Variants in PARD3B observed in about 807,000 individuals in gnomAD.
PARD3B encodes the protein partitioning defective 3 homolog B.
In PARD3B, 103 loss-of-function variants were observed where a neutral mutation model predicts 130.2. That is an observed-to-expected ratio of 0.79 (90% confidence interval 0.67 to 0.93). The LOEUF is 0.93. Among genes scored for constraint, PARD3B ranks in the 40% least tolerant of loss-of-function variants. The pLI, the probability that PARD3B is intolerant of heterozygous loss-of-function variation, is 0.00. For missense variants in PARD3B, 1,609 were observed against 1,499.2 expected, an observed-to-expected ratio of 1.07 and a Z score of -1.21; for synonymous variants, 583 against 553.2, an observed-to-expected ratio of 1.05 and a Z score of -0.76.
intron 4 of PARD3B, among the ~76,000 whole-genome samples, chr2:205,103,006 T>G (rs1327581828): frequency 6.6e-6 from 1 of 151,936 alleles, no homozygotes; most frequent in Non-Finnish European, 1.5e-5. Flanking sequence ...AGGCGGAGGT[T>G]GCAGTGAGCC....
intron 2 of PARD3B, among the ~76,000 whole-genome samples, chr2:204,703,410 G>A (rs143942159): frequency 1.1e-4 from 17 of 152,312 alleles, no homozygotes; most frequent in Non-Finnish European, 2.5e-4. Context: ...AATGGGAGAG[G>A]TTGGATGGGG....
intron 21 of PARD3B, among the ~76,000 whole-genome samples, chr2:205,552,717 A>G (rs777730113): frequency 5.5e-4 from 84 of 152,126 alleles, no homozygotes; most frequent in Non-Finnish European, 9.1e-4. Context: ...CCCAGCCAGA[A>G]ACGGTGCTTT....
chr2:204,851,571 A>C (rs2044708082), intron 2 of PARD3B, among the ~76,000 whole-genome samples: 2 of 152,214 alleles, frequency 1.3e-5, no homozygotes. Context: ...GTGACTATCC[A>C]ACTGTATTTG....
intron 21 of PARD3B, among the ~76,000 whole-genome samples, chr2:205,508,099 G>C (rs537887099): frequency 6.6e-6 from 1 of 152,352 alleles, no homozygotes; most frequent in East Asian, 1.9e-4. Context: ...AGTGAAAGAG[G>C]AGGGAACAAT....
chr2:205,464,994 A>G (rs1055675819), intron 20 of PARD3B, among the ~76,000 whole-genome samples: 1 of 152,212 alleles, frequency 6.6e-6, no homozygotes, highest in African/African-American at 2.4e-5. Flanking sequence ...TCTGTACTGC[A>G]CGATAACAAT....
chr2:205,559,485 A>G (rs1237254127), intron 22 of PARD3B, among the ~76,000 whole-genome samples: 2 of 152,140 alleles, frequency 1.3e-5, no homozygotes, highest in Non-Finnish European at 2.9e-5. Flanking sequence ...GTTATGGGAA[A>G]GAAATCCCCC....
chr2:204,638,962 G>T (rs2034983388), intron 1 of PARD3B, among the ~76,000 whole-genome samples: 1 of 151,548 alleles, frequency 6.6e-6, no homozygotes, highest in Admixed American at 6.6e-5. Flanking sequence ...TGTGTCCTTG[G>T]GCAATTTTTT....
chr2:204,660,042 TCAGATGTC>T (rs1426888410), intron 1 of PARD3B, among the ~76,000 whole-genome samples: 1 of 152,116 alleles, frequency 6.6e-6, no homozygotes, highest in African/African-American at 2.4e-5. Context: ...CACCTCAACC[TCAGATGTC>T]CAGGCAAGAC....
chr2:204,876,153 T>C (rs548164609), intron 2 of PARD3B, among the ~76,000 whole-genome samples: 1 of 152,280 alleles, frequency 6.6e-6, no homozygotes, highest in East Asian at 1.9e-4. Context: ...GGATTATCAA[T>C]GGAAACGGAA....
At chr2:205,423,449 A>C (rs1247528922) in intron 19 of PARD3B, among the ~76,000 whole-genome samples, 1 of 152,192 alleles carries the variant, frequency 6.6e-6, no homozygotes, top group Non-Finnish European at 1.5e-5. Context: ...TACTTAGTAA[A>C]TACTCAATAA....
At chr2:205,133,073 A>G (rs758930398) in intron 10 of PARD3B, among the ~76,000 whole-genome samples, 16 of 152,116 alleles carry the variant, frequency 1.1e-4, no homozygotes, top group Non-Finnish European at 1.6e-4. Flanking sequence ...AATTAAAAAA[A>G]TATATGCAGG....
chr2:204,864,694 C>T (rs1301789950), intron 2 of PARD3B, among the ~76,000 whole-genome samples: 1 of 152,142 alleles, frequency 6.6e-6, no homozygotes, highest in Non-Finnish European at 1.5e-5. Flanking sequence ...GGCTTAAGGT[C>T]TATCTCCCAC....
chr2:205,529,080 A>G (rs1484713311), intron 21 of PARD3B, among the ~76,000 whole-genome samples: 1 of 152,230 alleles, frequency 6.6e-6, no homozygotes, highest in Non-Finnish European at 1.5e-5. Context: ...TACCTTTGTA[A>G]GTGGATGACC....
At chr2:204,750,778 G>A (rs562919078) in intron 2 of PARD3B, among the ~76,000 whole-genome samples, 3 of 152,170 alleles carry the variant, frequency 2.0e-5, no homozygotes, top group African/African-American at 7.2e-5. Flanking sequence ...TAGCTGGATG[G>A]CTTTGTTTGA....
intron 1 of PARD3B, among the ~76,000 whole-genome samples, chr2:204,553,271 G>A (rs2030605050): frequency 6.6e-6 from 1 of 151,968 alleles, no homozygotes; most frequent in Non-Finnish European, 1.5e-5. Context: ...GTGTTGGTGT[G>A]GATGTGGTGA....
intron 19 of PARD3B, among the ~76,000 whole-genome samples, chr2:205,417,047 T>C (rs1239903067): frequency 6.6e-6 from 1 of 151,032 alleles, no homozygotes; most frequent in Non-Finnish European, 1.5e-5. Flanking sequence ...GTCATTTACA[T>C]TAGGTGTATC....
chr2:204,776,059 T>C (rs964205149), intron 2 of PARD3B, among the ~76,000 whole-genome samples: 3 of 152,212 alleles, frequency 2.0e-5, no homozygotes, highest in Non-Finnish European at 4.4e-5. Context: ...CTTTGCTAGC[T>C]AGAAAAAACT....
At chr2:205,257,362 A>C (rs1443012971) in intron 16 of PARD3B, among the ~76,000 whole-genome samples, 1 of 151,498 alleles carries the variant, frequency 6.6e-6, no homozygotes, top group African/African-American at 2.4e-5. Flanking sequence ...CCAAACCACA[A>C]CTGCAAAAGA....
chr2:205,613,881 G>GA (rs1339454479), intron 22 of PARD3B, among the ~76,000 whole-genome samples: 1 of 152,202 alleles, frequency 6.6e-6, no homozygotes, highest in Non-Finnish European at 1.5e-5. Flanking sequence ...ATTACAGGGT[G>GA]ATTCTGACCC....
Sources: allele counts gnomAD v4.1 joint callset (sites outside exome capture counted in the v4.1 genomes callset), GRCh38; gene constraint gnomAD v4.1.1; transcripts MANE v1.5; gene names NCBI Gene and HGNC (gene_info 2026-07-23, HGNC 2026-07-21).